FASTK: variants seen among roughly 807,000 people sequenced by gnomAD.
FASTK encodes Fas activated serine/threonine kinase, also known as fas-activated serine/threonine kinase.
FASTK carries 28 observed loss-of-function variants against 60.0 expected under a neutral mutation model. The observed-to-expected ratio is 0.47, with a 90% CI of 0.35 to 0.64. The LOEUF is 0.64. Ranked by LOEUF, FASTK falls within the 30% of genes least tolerant of loss-of-function variation. The probability of loss-of-function intolerance (pLI) is 0.01; values close to 1 mark genes in which losing one functional copy is unlikely to be tolerated. For synonymous variants in FASTK, 325 were observed against 307.9 expected (o/e 1.06, Z -0.58); for missense variants, 595 against 713.8 (o/e 0.83, Z 1.90).
chr7:151,078,431 G>C (rs1797788969), intron 4 of FASTK, 131 bp downstream of exon 4: 4 of 1,010,960 alleles, frequency 4.0e-6, no homozygotes, highest in Non-Finnish European at 5.8e-6. Flanking sequence ...GTGTAGAAAA[G>C]ATGCAGGTCC....
intron 4 of FASTK, 73 bp downstream of exon 4, chr7:151,078,489 T>C: frequency 6.5e-7 from 1 of 1,528,220 alleles, no homozygotes; most frequent in Non-Finnish European, 9.0e-7. Flanking sequence ...ATAGCCGAGC[T>C]GCACGAGGCG....
intron 5 of FASTK, 39 bp downstream of exon 5, chr7:151,077,840 C>T: frequency 6.2e-7 from 1 of 1,600,164 alleles, no homozygotes; most frequent in South Asian, 1.1e-5. Context: ...CCTGCCTCTC[C>T]AGCCCTCAGG....
chr7:151,079,777 G>A lies in FASTK; in HGVS notation c.228C>T (p.Gly76=). The change falls in exon 2 of 10, where the codon GGC becomes GGT. Residue 76 remains glycine, a synonymous_variant. Transcript: ENST00000297532. The part of the protein sequence containing the change: ...SKWGDRPVGG[G]PSAGPVQGLQ... Reference sequence around the variant, plus strand: ...GTCCTTGCACAGGACCTGCACTGGGGCCTCCTCCAACAGGCCGGTCCCCCC... The same window carrying A: ...GTCCTTGCACAGGACCTGCACTGGGACCTCCTCCAACAGGCCGGTCCCCCC... 1 of 1,601,292 alleles carries A rather than the reference G, an allele frequency of 6.2e-7. No individual in the cohort carries two copies. The highest frequency in any genetic ancestry group is 8.5e-7 in the Non-Finnish European group (1 of 1,174,188).
In FASTK at chr7:151,077,902, G is replaced by C. The variant is rs1365417173; in HGVS notation, c.1016C>G (p.Pro339Arg). Residue 339 changes from proline (P) to arginine (R), a missense_variant, in exon 5 of 10, where the codon CCT (proline) becomes CGT (arginine). Pro to Arg is a moderately radical substitution (Grantham distance 103). Around this residue, in one of 2 missense-constraint regions of FASTK, gnomAD observed 471 missense variants for 605.9 expected, o/e 0.78. Transcript: ENST00000297532. ...PFRALHFVFS[P>R]GFINYISGTP... The stretch of plus-strand genomic sequence containing the variant: ...ACCACTGATGTAGTTGATGAAGCCA[G>C]GGGAAAAAACAAAGTGCAGGGCTCT... 5 of 1,613,658 alleles carry C rather than the reference G, an allele frequency of 3.1e-6. No homozygotes were observed. Among genetic ancestry groups the C allele is most frequent in the Non-Finnish European group, 4.2e-6 (5 of 1,179,824 alleles).
At chr7:151,078,398 G>A (rs1162831407) in intron 4 of FASTK, among the ~76,000 whole-genome samples, 164 bp downstream of exon 4, 1 of 152,234 alleles carries the variant, frequency 6.6e-6, no homozygotes, top group Non-Finnish European at 1.5e-5. Flanking sequence ...CTGCTGACAG[G>A]AGGTGGGCAA....
In FASTK at chr7:151,078,078, C is replaced by T; in HGVS notation, c.840G>A (p.Leu280=). The change falls in exon 5 of 10, where the codon TTG becomes TTA. Residue 280 remains leucine (L), a synonymous_variant. Transcript: ENST00000297532. ...TQLSSKVVQK[L]VLPFGRLNYL... ...AGTTCAGTCGCCCAAAGGGCAGGACCAACTTCTGTACCACCTGTGGAGGAA... is the reference window on the plus strand; with the variant it reads ...AGTTCAGTCGCCCAAAGGGCAGGACTAACTTCTGTACCACCTGTGGAGGAA... The T allele has an allele frequency of 6.3e-7, 1 of 1,593,592 alleles. No individual in the cohort carries two copies. The highest frequency in any genetic ancestry group is 8.6e-7 in the Non-Finnish European group (1 of 1,164,178).
In FASTK at chr7:151,076,841, A is replaced by G. The variant is rs1231126748; in HGVS notation, c.1543-9T>C. 2 of 1,606,814 alleles carry G rather than the reference A, an allele frequency of 1.2e-6. No individual in the cohort carries two copies. Among genetic ancestry groups the G allele is most frequent in the Middle Eastern group, 1.7e-4 (1 of 6,048 alleles). On this transcript the variant is annotated splice_polypyrimidine_tract_variant and intron_variant, in intron 9 of 9. Transcript: ENST00000297532. ...AGTTCCTCGAAGGGTAGCTGTGGGG[A>G]GAGGAGAGGGCGGCAGGTTACCCGC...
rs574710616 is a variant in FASTK at position 151,076,684 on chromosome 7, AC to A, written c.*40del. 2 of 1,269,344 alleles carry A rather than the reference AC, an allele frequency of 1.6e-6. No homozygotes were observed. The highest frequency in any genetic ancestry group is 2.2e-6 in the Non-Finnish European group (2 of 920,610). The allele number at this position is 1,269,344 out of a possible 1,614,324, so 78.6% of individuals were successfully genotyped here. A position where few individuals can be genotyped will look rare whatever the true frequency, so the allele number is the denominator to read the frequency against. On this transcript the variant is annotated 3_prime_UTR_variant, in exon 10 of 10. Transcript: ENST00000297532. ...CAGGGAACCAAAGTGCAAATCATCC[AC>A]CCCCCATGGGGGGGCCATCCTGAAC...
Position 151,078,555 on chromosome 7 carries a change from A to C in FASTK, c.825+7T>G. 3 of 1,612,210 alleles carry C rather than the reference A, an allele frequency of 1.9e-6. 1 individual carries two copies. Among genetic ancestry groups the C allele is most frequent in the South Asian group, 2.2e-5 (2 of 91,068 alleles). On this transcript the variant is annotated splice_region_variant and intron_variant, in intron 4 of 9. Transcript: ENST00000297532. ...GAGATGCACTGGAGGGTGGGTGGCAAGCCCACCTTGCTGCTGAGTTGCGTT... is the reference window on the plus strand; with the variant it reads ...GAGATGCACTGGAGGGTGGGTGGCACGCCCACCTTGCTGCTGAGTTGCGTT...
At position 151,079,007 on chromosome 7, in the gene FASTK, C is replaced by A. The variant is rs866936607; in HGVS notation, c.520G>T (p.Gly174Cys). Residue 174 changes from glycine (G) to cysteine (C), a missense_variant, in exon 3 of 10, where the codon GGT (glycine) becomes TGT (cysteine). Coordinates refer to ENST00000297532, the MANE Select transcript of FASTK (RefSeq NM_006712.5). ...LAVLLGFPSD[G>C]PLVCALEQER... ...TGTTCCAGGGCACACACCAGGGGAC[C>A]ATCAGATGGAAAGCCTGAGGGGGAG... 5 of 1,486,610 alleles carry A rather than the reference C, an allele frequency of 3.4e-6. No individual in the cohort carries two copies. In the East Asian group the frequency reaches 1.0e-4, roughly 30 times the overall value. 92.1% of individuals were successfully genotyped at this position (1,486,610 alleles called of 1,614,324 possible).
Position 151,080,629 on chromosome 7 carries a change from G to C in FASTK, c.82+56C>G, listed in dbSNP as rs1049401536. 454 of 1,395,658 alleles carry C rather than the reference G, an allele frequency of 3.3e-4. 1 individual carries two copies. Among genetic ancestry groups the C allele is most frequent in the Non-Finnish European group, 2.2e-4 (239 of 1,080,578 alleles). The allele number at this position is 1,395,658 out of a possible 1,614,324, so 86.5% of individuals were successfully genotyped here. ...ACGCCAGGAGACCGTGGCCGCTGCC[G>C]CTAACACCAGCTCCCGCTGCCCTCC... On this transcript the variant is annotated intron_variant, in intron 1 of 9. Coordinates refer to ENST00000297532, the MANE Select transcript of FASTK (RefSeq NM_006712.5).
In FASTK at chr7:151,080,772, A is replaced by T. The variant is rs866051108; in HGVS notation, c.-6T>A. The T allele has an allele frequency of 2.7e-5, 34 of 1,280,730 alleles. No homozygotes were observed. In the Middle Eastern group the frequency reaches 5.5e-3, roughly 206 times the overall value. 79.3% of individuals were successfully genotyped at this position (1,280,730 alleles called of 1,614,324 possible). On this transcript the variant is annotated 5_prime_UTR_variant, in exon 1 of 10. Transcript: ENST00000297532. ...TCCCCCCGCGGCCTCCTCATCGGCTAGCCACCGAGTCCGCCATCTTCCCAG... is the reference window on the plus strand; with the variant it reads ...TCCCCCCGCGGCCTCCTCATCGGCTTGCCACCGAGTCCGCCATCTTCCCAG...
intron 2 of FASTK, 108 bp from the exon 3 acceptor site, chr7:151,079,129 G>C: frequency 9.6e-7 from 1 of 1,040,274 alleles, no homozygotes; most frequent in Non-Finnish European, 1.3e-6. Flanking sequence ...TTTCCTGAGC[G>C]GGAAGGTGTG....
At chr7:151,080,424 C>G in intron 1 of FASTK, 1 of 1,174,686 alleles carries the variant, frequency 8.5e-7, no homozygotes. Context: ...CCATGCTGGG[C>G]GCTCCCACTC....
Position 151,076,739 on chromosome 7 carries a change from GC to G in FASTK, c.1635del (p.Pro546LeufsTer33). 1 of 1,594,926 alleles carries G rather than the reference GC, an allele frequency of 6.3e-7. No homozygotes were observed. Among genetic ancestry groups the G allele is most frequent in the Non-Finnish European group, 8.5e-7 (1 of 1,169,794 alleles). ...QKLQALGLRW[G>X]PEGG ...ACATCAACCCCTCAGCCCCCTTCAGGCCCCCAGCGCAGGCCCAGGGCCTGGA... is the reference window on the plus strand; with the variant it reads ...ACATCAACCCCTCAGCCCCCTTCAGGCCCCAGCGCAGGCCCAGGGCCTGGA... On this transcript the variant is annotated frameshift_variant, in exon 10 of 10. Coordinates refer to ENST00000297532, the MANE Select transcript of FASTK (RefSeq NM_006712.5). LOFTEE classifies it high-confidence loss of function.
Position 151,076,742 on chromosome 7 carries a change from C to T in FASTK, c.1633G>A (p.Gly545Arg). 1 of 1,602,906 alleles carries T rather than the reference C, an allele frequency of 6.2e-7. No homozygotes were observed. Among genetic ancestry groups the T allele is most frequent in the Non-Finnish European group, 8.5e-7 (1 of 1,174,248 alleles). Residue 545 changes from glycine (G) to arginine (R), a missense_variant, in exon 10 of 10, where the codon GGG becomes AGG. Physicochemically the swap from Gly to Arg is moderately radical, Grantham distance 125. Coordinates refer to ENST00000297532, the MANE Select transcript of FASTK (RefSeq NM_006712.5). ...TCAACCCCTCAGCCCCCTTCAGGCC[C>T]CCAGCGCAGGCCCAGGGCCTGGAGC... ...QKLQALGLRW[G>R]PEGG
In FASTK at chr7:151,079,801, C is replaced by T. The variant is rs1300835061; in HGVS notation, c.204G>A (p.Trp68Ter). Residue 68 changes from tryptophan to a stop codon, truncating the protein, a stop_gained, in exon 2 of 10, where the codon TGG (tryptophan) becomes TGA (stop). Transcript: ENST00000297532. LOFTEE classifies it high-confidence loss of function. ...VQPCCLGPSKWGDRPVGGGPS... is the reference protein window; with the variant it reads ...VQPCCLGPSK Reference sequence around the variant, plus strand: ...GGCCTCCTCCAACAGGCCGGTCCCCCCATTTGCTGGGCCCCAAACAGCAGG... The same window carrying T: ...GGCCTCCTCCAACAGGCCGGTCCCCTCATTTGCTGGGCCCCAAACAGCAGG... 1 of 1,600,610 alleles carries T rather than the reference C, an allele frequency of 6.2e-7. No homozygotes were observed. The highest frequency in any genetic ancestry group is 8.5e-7 in the Non-Finnish European group (1 of 1,173,654).
chr7:151,078,919 C>G lies in FASTK; in HGVS notation c.608G>C (p.Gly203Ala). The G allele has an allele frequency of 6.3e-7, 1 of 1,581,596 alleles. No homozygotes were observed. Among genetic ancestry groups the G allele is most frequent in the Non-Finnish European group, 8.6e-7 (1 of 1,169,568 alleles). Residue 203 changes from glycine (G) to alanine (A), a missense_variant, in exon 3 of 10, where the codon GGG (glycine) becomes GCG (alanine). Coordinates refer to ENST00000297532, the MANE Select transcript of FASTK (RefSeq NM_006712.5). ...GCTTAGAGCAGCTTCCAACCCTTGC[C>G]CACCTCGGAGAAGGGGCTGCAAAGG... ...PPPLQPLLRGGQGLEAALSCP... is the reference protein window; with the variant it reads ...PPPLQPLLRGAQGLEAALSCP...
Sources: gnomAD v4.1 joint callset for allele counts (sites outside exome capture counted in the v4.1 genomes callset) on GRCh38, gnomAD v4.1.1 for gene constraint, gnomAD v4.1.1 regional missense constraint, MANE v1.5 for transcripts, NCBI Gene and HGNC (gene_info 2026-07-23, HGNC 2026-07-21) for gene names.